Variants in NRG4 observed in about 807,000 individuals in gnomAD.
NRG4 encodes pro-neuregulin-4, membrane-bound isoform.
NRG4 carries 10 observed loss-of-function variants against 15.0 expected under a neutral mutation model. The observed-to-expected ratio is 0.67, with a 90% CI of 0.41 to 1.13. The LOEUF (loss-of-function observed/expected upper bound fraction) is 1.13, where lower values mean the gene tolerates loss of function less well. Ranked by LOEUF, NRG4 falls within the 50% of genes most tolerant of loss-of-function variation. The probability of loss-of-function intolerance (pLI) is 0.00; values close to 1 mark genes in which losing one functional copy is unlikely to be tolerated. For missense variants in NRG4, 139 were observed against 140.2 expected (o/e 0.99, Z 0.04); for synonymous variants, 41 against 50.1 (o/e 0.82, Z 0.77).
chr15:76,059,341 C>T (rs2036237559), intron 1 of NRG4, among the ~76,000 whole-genome samples: 1 of 152,218 alleles, frequency 6.6e-6, no homozygotes, highest in South Asian at 2.1e-4. Context: ...GGTGTTTTCC[C>T]CTCGGTGGCC....
intron 4 of NRG4, among the ~76,000 whole-genome samples, chr15:76,037,736 C>T (rs1408635882): frequency 5.3e-5 from 8 of 152,112 alleles, no homozygotes; most frequent in Non-Finnish European, 1.0e-4. Context: ...TTGCACTACC[C>T]GTCCCCCAAC....
chr15:75,956,152 C>G, intron 4 of NRG4, 141 bp from the exon 5 acceptor site: 1 of 585,180 alleles, frequency 1.7e-6, no homozygotes, highest in East Asian at 3.0e-5. Flanking sequence ...ATAAACTTGA[C>G]TATTTGATGG....
intron 4 of NRG4, among the ~76,000 whole-genome samples, chr15:76,051,858 A>G (rs2036029559): frequency 6.6e-6 from 1 of 150,998 alleles, no homozygotes. Flanking sequence ...GGCGTGAGCC[A>G]CCGTGCCCAG....
rs193018416 is a variant in NRG4 at position 75,963,896 on chromosome 15, T to C, written c.105-1922A>G. Among the ~76,000 whole-genome samples the C allele has an allele frequency of 4.5e-3, 681 of 151,986 alleles. 6 individuals are homozygous for C. Among genetic ancestry groups the C allele is most frequent in the African/African-American group, 0.015 (639 of 41,450 alleles). On this transcript the variant is annotated intron_variant, in intron 3 of 5. Coordinates refer to ENST00000394907, the MANE Select transcript of NRG4 (RefSeq NM_138573.4). Reference sequence around the variant, plus strand: ...ACTTTGAGGTTGCAGTGAGCTATGATCATGCCACTGCAGTCCAGCCTAGGT... The same window carrying C: ...ACTTTGAGGTTGCAGTGAGCTATGACCATGCCACTGCAGTCCAGCCTAGGT...
At chr15:76,055,989 A>C (rs1284357994) in intron 2 of NRG4, among the ~76,000 whole-genome samples, 5 of 152,240 alleles carry the variant, frequency 3.3e-5, no homozygotes, top group African/African-American at 1.2e-4. Flanking sequence ...GGCTTGCTGC[A>C]TTAAGTATTC....
At chr15:75,964,916 T>G (rs764460838) in intron 3 of NRG4, among the ~76,000 whole-genome samples, 5 of 150,736 alleles carry the variant, frequency 3.3e-5, no homozygotes, top group Non-Finnish European at 7.4e-5. Context: ...AGTGAGAGGC[T>G]ATTCCAAATA....
At chr15:75,991,473 T>G (rs1372731191) in intron 3 of NRG4, among the ~76,000 whole-genome samples, 2 of 152,304 alleles carry the variant, frequency 1.3e-5, no homozygotes, top group East Asian at 1.9e-4. Context: ...ATGATAAAAT[T>G]TATTGAGACT....
intron 4 of NRG4, among the ~76,000 whole-genome samples, chr15:76,045,035 C>A (rs946221131): frequency 4.0e-5 from 6 of 150,490 alleles, no homozygotes; most frequent in African/African-American, 1.5e-4. Flanking sequence ...TATTTGCAAA[C>A]TGCCCATCTG....
rs569837178 is a variant in NRG4, at chr15:76,043,429, T to A, written c.-104-7438A>T. 3.3e-5 allele frequency among the ~76,000 whole-genome samples: 5 copies of A among 152,324 alleles called. No individual in the cohort carries two copies. In the South Asian group the frequency reaches 1.0e-3, roughly 32 times the overall value. ...AAGACTTCATCAAAAAATTTAGAAC[T>A]GATAAACGAATTCAGCAAAGTTACA... On this transcript the variant is annotated intron_variant, in intron 4 of 8. Transcript: ENST00000563910.
chr15:76,027,497 A>AATATATATATATAT (rs71444947), intron 5 of NRG4, among the ~76,000 whole-genome samples: 2 of 148,670 alleles, frequency 1.3e-5, no homozygotes, highest in African/African-American at 4.9e-5. Flanking sequence ...ATAACAGTCA[A>AATATATATATATAT]ATATATATAT....
At chr15:76,009,461 G>A (rs2034728483) in intron 2 of NRG4, among the ~76,000 whole-genome samples, 168 bp from the exon 3 acceptor site, 1 of 152,104 alleles carries the variant, frequency 6.6e-6, no homozygotes, top group African/African-American at 2.4e-5. Flanking sequence ...TTGACAGACT[G>A]GGACTTCTAT....
chr15:76,023,441 T>C (rs992813358), intron 5 of NRG4, among the ~76,000 whole-genome samples: 1 of 152,162 alleles, frequency 6.6e-6, no homozygotes, highest in Non-Finnish European at 1.5e-5. Flanking sequence ...TCAGCTCCTA[T>C]TGCCACTGCA....
chr15:76,058,076 T>G (rs544258267), intron 1 of NRG4, among the ~76,000 whole-genome samples: 1 of 152,146 alleles, frequency 6.6e-6, no homozygotes, highest in Non-Finnish European at 1.5e-5. Context: ...AAATCTTAAG[T>G]AGAGTTCTAC....
intron 2 of NRG4, among the ~76,000 whole-genome samples, chr15:76,056,157 C>T (rs1406002141): frequency 1.3e-5 from 2 of 151,884 alleles, no homozygotes; most frequent in Non-Finnish European, 2.9e-5. Flanking sequence ...TTAAAAAAAA[C>T]GATTTAGCGG....
At chr15:75,964,615 TGTTTGA>T (rs1329549403) in intron 3 of NRG4, among the ~76,000 whole-genome samples, 5 of 152,196 alleles carry the variant, frequency 3.3e-5, no homozygotes, top group East Asian at 1.9e-4. Context: ...TTCTTAAGGC[TGTTTGA>T]GTTTAAGTAA....
intron 3 of NRG4, among the ~76,000 whole-genome samples, chr15:76,002,520 T>C (rs1596009938): frequency 1.3e-5 from 2 of 152,090 alleles, no homozygotes; most frequent in African/African-American, 4.8e-5. Context: ...TAAATGCAGA[T>C]GGACTAAACT....
intron 4 of NRG4, chr15:75,958,949 T>A: frequency 1.1e-5 from 2 of 187,966 alleles, no homozygotes. Flanking sequence ...TTGGGGCAAC[T>A]ACAACAATAT....
At chr15:76,008,689 T>C (rs1267800670) in intron 3 of NRG4, among the ~76,000 whole-genome samples, 1 of 152,178 alleles carries the variant, frequency 6.6e-6, no homozygotes, top group African/African-American at 2.4e-5. Flanking sequence ...TTTAAAACAA[T>C]AGTGGCTAAG....
At chr15:76,015,411 T>G (rs2034945198), upstream of NRG4, among the ~76,000 whole-genome samples, 1 of 152,198 alleles carries the variant, frequency 6.6e-6, no homozygotes, top group African/African-American at 2.4e-5. Flanking sequence ...GGCATCCTTG[T>G]GTTGTGCTGG....
Sources: gnomAD v4.1 joint callset for allele counts (sites outside exome capture counted in the v4.1 genomes callset) on GRCh38, gnomAD v4.1.1 for gene constraint, MANE v1.5 for transcripts, NCBI Gene and HGNC (gene_info 2026-07-23, HGNC 2026-07-21) for gene names.